The following UTP20 variants were observed in gnomAD, a reference collection of about 807,000 sequenced individuals.
UTP20 encodes UTP20 small subunit processome component.
In UTP20, 164 loss-of-function variants were observed where a neutral mutation model predicts 329.5. The observed-to-expected ratio is 0.50, with a 90% confidence interval of 0.44 to 0.57. The LOEUF is 0.57. Ranked by LOEUF, UTP20 falls within the 20% of genes least tolerant of loss-of-function variation. UTP20 has a pLI of 0.00. For missense variants in UTP20, 3,055 were observed against 3,284.2 expected (o/e 0.93, Z 1.71); for synonymous variants, 1,151 against 1,159.3 (o/e 0.99, Z 0.14).
intron 2 of UTP20, among the ~76,000 whole-genome samples, chr12:101,282,147 C>T (rs986525545): frequency 6.6e-6 from 1 of 152,204 alleles, no homozygotes; most frequent in African/African-American, 2.4e-5. Context: ...ACTCCACTCG[C>T]TGGGTCTTTG....
intron 32 of UTP20, among the ~76,000 whole-genome samples, chr12:101,340,912 G>A (rs1565798413): frequency 7.3e-6 from 1 of 137,794 alleles, no homozygotes; most frequent in Non-Finnish European, 1.6e-5. Context: ...AACAAGCCTG[G>A]AACCCAAGAA....
At chr12:101,366,247 A>G (rs1163201526) in intron 46 of UTP20, among the ~76,000 whole-genome samples, 1 of 152,152 alleles carries the variant, frequency 6.6e-6, no homozygotes, top group Non-Finnish European at 1.5e-5. Flanking sequence ...AAAATCTTAT[A>G]TATTAGTAAA....
chr12:101,366,624 T>C lies in UTP20; in HGVS notation c.6192T>C (p.Thr2064=), dbSNP rs1208966296. ...AGAGCTGCCTTCTGCTTCCCCCAAC[T>C]CCAGTTCGAGGTGGACAGAAAGCTG... ...PPQSCLLLPP[T]PVRGGQKAVV... Residue 2064 remains threonine (T), a synonymous_variant, in exon 47 of 62, where the codon ACT becomes ACC. Transcript: ENST00000261637. 1 of 1,614,006 alleles carries C rather than the reference T, an allele frequency of 6.2e-7. No homozygotes were observed.
chr12:101,350,927 C>T (rs148667477), intron 38 of UTP20, among the ~76,000 whole-genome samples: 377 of 152,250 alleles, frequency 2.5e-3, no homozygotes, highest in Non-Finnish European at 4.3e-3. Context: ...CTCTAGCTAC[C>T]GTAGCCTCAA....
Position 101,342,632 on chromosome 12 carries a change from A to T in UTP20, c.4245+43A>T, listed in dbSNP as rs1869179113. The T allele has an allele frequency of 3.8e-6, 6 of 1,576,596 alleles. No homozygotes were observed. In the East Asian group the frequency reaches 6.7e-5, roughly 18 times the overall value. On this transcript the variant is annotated intron_variant, in intron 33 of 61. Transcript: ENST00000261637. Reference sequence around the variant, plus strand: ...TTACTCCAAATCACCCTTTTAAAAAAATGTAATTATGACTTGTAAACCATA... The same window carrying T: ...TTACTCCAAATCACCCTTTTAAAAATATGTAATTATGACTTGTAAACCATA...
Position 101,291,955 on chromosome 12 carries a change from T to C in UTP20, c.1039-15T>C, listed in dbSNP as rs759249774. 1 of 1,610,376 alleles carries C rather than the reference T, an allele frequency of 6.2e-7. No individual in the cohort carries two copies. The highest frequency in any genetic ancestry group is 2.2e-5 in the East Asian group (1 of 44,814). On this transcript the variant is annotated splice_polypyrimidine_tract_variant and intron_variant, in intron 9 of 61. Coordinates refer to ENST00000261637, the MANE Select transcript of UTP20 (RefSeq NM_014503.3). ...AAGCTGATTGCTGAGTATGCATTGT[T>C]TTTTCTTTTTGCAGGTGTTATCTCA...
At chr12:101,364,089 T>C (rs948265996) in intron 45 of UTP20, among the ~76,000 whole-genome samples, 8 of 152,230 alleles carry the variant, frequency 5.3e-5, no homozygotes, top group African/African-American at 1.9e-4. Flanking sequence ...TTATATGTTA[T>C]GTCCATGTTT....
In UTP20 at chr12:101,329,460, C is replaced by T. The variant is rs1212034400; in HGVS notation, c.3417+11C>T. On this transcript the variant is annotated intron_variant, in intron 27 of 61. Coordinates refer to ENST00000261637, the MANE Select transcript of UTP20 (RefSeq NM_014503.3). ...GACCAACGAGAAAAGGTTAGATTCA[C>T]TATAGATGCTTTCAAGTCAAGTGCT... 6.2e-7 allele frequency: 1 copy of T among 1,600,852 alleles called. No individual in the cohort carries two copies. The highest frequency in any genetic ancestry group is 1.1e-5 in the South Asian group (1 of 90,660).
chr12:101,363,733 C>A lies in UTP20; in HGVS notation c.5948C>A (p.Pro1983Gln). Residue 1983 changes from proline (P) to glutamine (Q), a missense_variant, in exon 45 of 62, where the codon CCA becomes CAA. Coordinates refer to ENST00000261637, the MANE Select transcript of UTP20 (RefSeq NM_014503.3). Reference protein sequence around the residue: ...GKDQVTKLILPLKEILQNTTS... With the variant: ...GKDQVTKLILQLKEILQNTTS... ...GATCAGGTTACAAAACTCATCCTTC[C>A]ATTAAAAGAGGTAAGGACGTAAATG... The A allele has an allele frequency of 6.2e-7, 1 of 1,601,404 alleles. No individual in the cohort carries two copies. Among genetic ancestry groups the A allele is most frequent in the Non-Finnish European group, 8.6e-7 (1 of 1,168,608 alleles).
chr12:101,311,849 G>GA, intron 20 of UTP20, 51 bp downstream of exon 20: 1 of 1,577,766 alleles, frequency 6.3e-7, no homozygotes, highest in Non-Finnish European at 8.6e-7. Flanking sequence ...TTGTTTAACT[G>GA]TTTTGTTTTT....
chr12:101,302,394 T>G lies in UTP20; in HGVS notation c.1676-54T>G. 4 of 1,096,342 alleles carry G rather than the reference T, an allele frequency of 3.6e-6. No homozygotes were observed. The South Asian group carries it at 5.6e-5, about 15-fold the overall frequency. The allele number at this position is 1,096,342 out of a possible 1,614,324, so 67.9% of individuals were successfully genotyped here. A position where few individuals can be genotyped will look rare whatever the true frequency, so the allele number is the denominator to read the frequency against. ...ATTCAATAAATAAGGTGTTTGATAG[T>G]TAATAATGTCAAAGAAATAAGTAAT... On this transcript the variant is annotated intron_variant, in intron 14 of 61. Transcript: ENST00000261637.
chr12:101,344,786 G>A lies in UTP20; in HGVS notation c.4605+36G>A, dbSNP rs376115181. 7.1e-5 allele frequency: 113 copies of A among 1,591,776 alleles called. No individual in the cohort carries two copies. In the African/African-American group the frequency reaches 9.6e-4, roughly 14 times the overall value. On this transcript the variant is annotated intron_variant, in intron 36 of 61. Transcript: ENST00000261637. ...TTGTGTTTTAGGCACTACTGTCTGA[G>A]GCTGTGTTTTGTTTTGTTTTCCCAC...
At chr12:101,374,644 T>C (rs1373187429) in intron 54 of UTP20, among the ~76,000 whole-genome samples, 164 bp from the exon 55 acceptor site, 2 of 152,250 alleles carry the variant, frequency 1.3e-5, no homozygotes, top group African/African-American at 4.8e-5. Flanking sequence ...CCACATTTTG[T>C]ATATTGGCCA....
At chr12:101,308,116 C>A in intron 17 of UTP20, 69 bp from the exon 18 acceptor site, 1 of 1,358,504 alleles carries the variant, frequency 7.4e-7, no homozygotes, top group Non-Finnish European at 9.7e-7. Flanking sequence ...CCTTTGGTCA[C>A]ATTTAATGTT....
At chr12:101,294,868 GC>G (rs1229178947) in intron 11 of UTP20, among the ~76,000 whole-genome samples, 1 of 152,110 alleles carries the variant, frequency 6.6e-6, no homozygotes, top group Non-Finnish European at 1.5e-5. Context: ...GTTTATAATT[GC>G]CTCGTTCTTT....
chr12:101,307,794 A>G (rs940438338), intron 17 of UTP20, among the ~76,000 whole-genome samples: 2 of 152,228 alleles, frequency 1.3e-5, no homozygotes, highest in African/African-American at 4.8e-5. Flanking sequence ...TAGGATTTCA[A>G]ACAATACTGC....
At chr12:101,356,415 C>T (rs568843602) in intron 41 of UTP20, 139 bp from the exon 42 acceptor site, 18 of 841,276 alleles carry the variant, frequency 2.1e-5, no homozygotes, top group African/African-American at 8.9e-5. Flanking sequence ...CATGAGCCAC[C>T]GCACCCAGCC....
chr12:101,369,653 C>A, intron 48 of UTP20, 68 bp from the exon 49 acceptor site: 2 of 776,574 alleles, frequency 2.6e-6, no homozygotes, highest in Non-Finnish European at 4.6e-6. Flanking sequence ...GTCTGCATAG[C>A]CTCAGGTGCT....
intron 2 of UTP20, 118 bp from the exon 3 acceptor site, chr12:101,285,452 G>C: frequency 9.0e-7 from 1 of 1,107,892 alleles, no homozygotes; most frequent in Non-Finnish European, 1.3e-6. Context: ...AAAACTAAAA[G>C]GAGTTCTTAA....
Sources: gnomAD v4.1 joint callset for allele counts (sites outside exome capture counted in the v4.1 genomes callset) on GRCh38, gnomAD v4.1.1 for gene constraint, MANE v1.5 for transcripts, NCBI Gene and HGNC (gene_info 2026-07-23, HGNC 2026-07-21) for gene names.